The following CYRIB variants were observed in gnomAD, a reference collection of about 807,000 sequenced individuals.
CYRIB encodes the protein CYFIP-related Rac1 interactor B.
Under a neutral mutation model 44.2 loss-of-function variants are expected in CYRIB, and 8 were observed. That is an observed-to-expected ratio of 0.18 (90% CI 0.11 to 0.33). The LOEUF (loss-of-function observed/expected upper bound fraction) is 0.33. Among genes scored for constraint, CYRIB ranks in the 10% least tolerant of loss-of-function variants. The pLI, the probability that CYRIB is intolerant of heterozygous loss-of-function variation, is 1.00. For missense variants in CYRIB, 185 were observed against 382.8 expected (o/e 0.48, Z 4.31); for synonymous variants, 131 against 127.2 (o/e 1.03, Z -0.20).
chr8:129,949,866 TA>T (rs1029192802), intron 2 of CYRIB, among the ~76,000 whole-genome samples: 56 of 150,738 alleles, frequency 3.7e-4, no homozygotes, highest in African/African-American at 1.3e-3. Context: ...AACTCCATCT[TA>T]AAAAAAAATA....
At chr8:129,843,457 G>A (rs1234111373) in intron 11 of CYRIB, among the ~76,000 whole-genome samples, 2 of 152,246 alleles carry the variant, frequency 1.3e-5, no homozygotes, top group Non-Finnish European at 1.5e-5. Context: ...GCTTGGGCCA[G>A]ATTACAGCAG....
intron 1 of CYRIB, chr8:129,912,387 C>G (rs2078475292): frequency 2.0e-5 from 3 of 152,058 alleles, no homozygotes; most frequent in Admixed American, 2.0e-4. Flanking sequence ...CAGTACCACT[C>G]TCTCCACCTC....
At chr8:129,901,172 T>C (rs912894264) in intron 2 of CYRIB, among the ~76,000 whole-genome samples, 5 of 152,160 alleles carry the variant, frequency 3.3e-5, no homozygotes, top group Non-Finnish European at 2.9e-5. Flanking sequence ...GACCAGCAAA[T>C]AGAAGCTTCT....
intron 1 of CYRIB, among the ~76,000 whole-genome samples, chr8:129,977,848 A>G (rs2096021416): frequency 6.6e-6 from 1 of 152,136 alleles, no homozygotes; most frequent in Admixed American, 6.5e-5. Flanking sequence ...CACTCTTTCA[A>G]TGAGATCATA....
At chr8:129,864,690 G>A in intron 4 of CYRIB, 1 of 278,726 alleles carries the variant, frequency 3.6e-6, no homozygotes, top group Non-Finnish European at 7.0e-6. Context: ...GTTCCTAAGG[G>A]TGCAATGTAT....
intron 1 of CYRIB, among the ~76,000 whole-genome samples, chr8:129,914,609 T>C (rs1305704716): frequency 6.6e-6 from 1 of 152,178 alleles, no homozygotes; most frequent in African/African-American, 2.4e-5. Flanking sequence ...TGAAAAGATT[T>C]TTACAAATAA....
At chr8:129,847,109 A>C in intron 10 of CYRIB, 1 of 366,396 alleles carries the variant, frequency 2.7e-6, no homozygotes, top group Non-Finnish European at 4.9e-6. Flanking sequence ...CCACACATGC[A>C]ATGAAAAACA....
intron 1 of CYRIB, among the ~76,000 whole-genome samples, chr8:129,931,460 T>G (rs1228109148): frequency 6.6e-6 from 1 of 152,230 alleles, no homozygotes; most frequent in Non-Finnish European, 1.5e-5. Flanking sequence ...CGTATGAACA[T>G]GTCAGTCATT....
At chr8:129,898,427 T>C (rs2069424471) in intron 2 of CYRIB, among the ~76,000 whole-genome samples, 1 of 152,164 alleles carries the variant, frequency 6.6e-6, no homozygotes, top group Non-Finnish European at 1.5e-5. Context: ...ATGCAGAAGC[T>C]AAAAGTAAAA....
intron 2 of CYRIB, among the ~76,000 whole-genome samples, chr8:129,897,488 T>G (rs892271022): frequency 9.2e-5 from 14 of 151,566 alleles, no homozygotes; most frequent in African/African-American, 3.4e-4. Context: ...ATTAAATATA[T>G]GAAGTATCTT....
At chr8:129,936,546 G>T (rs561906851) in intron 1 of CYRIB, among the ~76,000 whole-genome samples, 3 of 152,194 alleles carry the variant, frequency 2.0e-5, no homozygotes, top group African/African-American at 4.8e-5. Flanking sequence ...TAAATTATTT[G>T]AATTCACTGT....
intron 1 of CYRIB, among the ~76,000 whole-genome samples, chr8:129,919,128 T>C (rs930099839): frequency 2.0e-5 from 3 of 152,190 alleles, no homozygotes; most frequent in African/African-American, 7.2e-5. Flanking sequence ...CCTTCCAAAG[T>C]GCTGGGATTG....
intron 1 of CYRIB, among the ~76,000 whole-genome samples, chr8:129,938,053 T>C (rs1399665456): frequency 6.6e-6 from 1 of 152,046 alleles, no homozygotes; most frequent in African/African-American, 2.4e-5. Context: ...ACCATCATAA[T>C]GATATGCAGG....
intron 5 of CYRIB, among the ~76,000 whole-genome samples, chr8:129,861,505 T>C (rs2049523546): frequency 1.3e-5 from 2 of 152,106 alleles, no homozygotes; most frequent in African/African-American, 2.4e-5. Context: ...AGTGGTGTGA[T>C]CACAGCTACT....
intron 1 of CYRIB, among the ~76,000 whole-genome samples, chr8:130,004,260 C>T (rs190549562): frequency 6.6e-6 from 1 of 152,108 alleles, no homozygotes; most frequent in Admixed American, 6.5e-5. Flanking sequence ...TCCTCTGTAC[C>T]CTCATTTTCT....
At chr8:129,874,562 C>T (rs1050169812) in intron 3 of CYRIB, among the ~76,000 whole-genome samples, 1 of 152,004 alleles carries the variant, frequency 6.6e-6, no homozygotes, top group Non-Finnish European at 1.5e-5. Context: ...AAGACAGAGA[C>T]CAGAATGTAC....
chr8:129,932,417 C>A (rs537173566), intron 1 of CYRIB, among the ~76,000 whole-genome samples: 1 of 152,086 alleles, frequency 6.6e-6, no homozygotes, highest in Non-Finnish European at 1.5e-5. Context: ...AAAGGGCAGG[C>A]GTGCTTATTG....
chr8:129,891,441 A>G (rs1338771965), intron 2 of CYRIB, among the ~76,000 whole-genome samples: 20 of 152,218 alleles, frequency 1.3e-4, no homozygotes, highest in Admixed American at 1.3e-3. Flanking sequence ...AGCTATTAAT[A>G]AAGTGATGCT....
chr8:129,923,020 G>A (rs1405650542), intron 1 of CYRIB, among the ~76,000 whole-genome samples: 6 of 150,182 alleles, frequency 4.0e-5, no homozygotes, highest in African/African-American at 7.3e-5. Flanking sequence ...ACCTGAGGTC[G>A]GGAGCTCTAG....
Sources: allele counts gnomAD v4.1 joint callset (sites outside exome capture counted in the v4.1 genomes callset), GRCh38; gene constraint gnomAD v4.1.1; transcripts MANE v1.5; gene names NCBI Gene and HGNC (gene_info 2026-07-23, HGNC 2026-07-21).